Variants in WDPCP observed in about 807,000 individuals in gnomAD.
The protein encoded by WDPCP is WD repeat-containing and planar cell polarity effector protein fritz homolog.
In WDPCP, 71 loss-of-function variants were observed where a neutral mutation model predicts 93.1. The observed-to-expected ratio is 0.76, with a 90% CI of 0.63 to 0.93. WDPCP has a LOEUF of 0.93. WDPCP is among the 40% of genes least tolerant of loss of function. The pLI is 0.00. For synonymous variants in WDPCP, 315 were observed against 315.0 expected, an observed-to-expected ratio of 1.00 and a Z score of 0.00; for missense variants, 844 against 887.4, an observed-to-expected ratio of 0.95 and a Z score of 0.62.
chr2:63,521,026 C>A lies in WDPCP; in HGVS notation c.76-28086G>T, dbSNP rs557899044. 3.2e-3 allele frequency among the ~76,000 whole-genome samples: 492 copies of A among 152,106 alleles called. 2 individuals are homozygous for A. The highest frequency in any genetic ancestry group is 5.4e-3 in the Non-Finnish European group (370 of 68,002). ...TCTAAGGGAATTTGGAATTTTGTTA[C>A]CCCCAGACCTGCCTTACAAGAGGTC... On this transcript the variant is annotated intron_variant, in intron 1 of 17. Coordinates refer to ENST00000272321, the MANE Select transcript of WDPCP (RefSeq NM_015910.7).
intron 1 of WDPCP, among the ~76,000 whole-genome samples, chr2:63,552,466 T>C (rs1228266009): frequency 6.6e-6 from 1 of 152,196 alleles, no homozygotes; most frequent in African/African-American, 2.4e-5. Context: ...GTAATTCAAC[T>C]TAAAAAATAG....
chr2:63,209,794 T>G (rs1676625735), intron 14 of WDPCP, among the ~76,000 whole-genome samples: 1 of 152,200 alleles, frequency 6.6e-6, no homozygotes, highest in African/African-American at 2.4e-5. Flanking sequence ...TTGTAATATA[T>G]TCATACAATT....
At chr2:63,698,863 C>T (rs1575750495) in intron 2 of WDPCP, among the ~76,000 whole-genome samples, 1 of 152,070 alleles carries the variant, frequency 6.6e-6, no homozygotes, top group Admixed American at 6.6e-5. Flanking sequence ...GGACATGTAG[C>T]CATCTTTTCC....
intron 6 of WDPCP, among the ~76,000 whole-genome samples, chr2:63,455,608 G>A (rs999097001): frequency 6.6e-6 from 1 of 151,906 alleles, no homozygotes; most frequent in Non-Finnish European, 1.5e-5. Flanking sequence ...AATGATAAAG[G>A]GATCAATCGA....
At chr2:63,376,273 A>T (rs1164986145) in intron 12 of WDPCP, among the ~76,000 whole-genome samples, 3 of 151,980 alleles carry the variant, frequency 2.0e-5, no homozygotes, top group African/African-American at 7.2e-5. Context: ...AAACATGAAA[A>T]AGCTAGTATG....
chr2:63,674,591 A>G (rs1393801476), intron 2 of WDPCP, among the ~76,000 whole-genome samples: 1 of 152,156 alleles, frequency 6.6e-6, no homozygotes, highest in East Asian at 1.9e-4. Flanking sequence ...AGTTTCAGTT[A>G]TGCAGGATGA....
At position 63,404,255 on chromosome 2, in the gene WDPCP, G is replaced by C; in HGVS notation, c.1228C>G (p.Pro410Ala). The C allele has an allele frequency of 6.2e-7, 1 of 1,613,540 alleles. No individual in the cohort carries two copies. The highest frequency in any genetic ancestry group is 8.5e-7 in the Non-Finnish European group (1 of 1,179,618). Residue 410 changes from proline to alanine, a missense_variant, in exon 10 of 18, where the codon CCT (proline) becomes GCT (alanine). By Grantham distance (27) the Pro-to-Ala change is conservative. Coordinates refer to ENST00000272321, the MANE Select transcript of WDPCP (RefSeq NM_015910.7). ...TCAGCCAACAGTTGGATGTTAATAG[G>C]GGATAGAGCCATATCAAAAATTTGC... ...ELQIFDMALS[P>A]INIQLLAEDR...
At chr2:63,220,833 A>G (rs1204799413) in intron 14 of WDPCP, among the ~76,000 whole-genome samples, 12 of 152,184 alleles carry the variant, frequency 7.9e-5, no homozygotes, top group South Asian at 2.1e-4. Flanking sequence ...TGCATTAGCT[A>G]TATTTATCCT....
chr2:63,620,720 C>T (rs1423967847), intron 3 of WDPCP, among the ~76,000 whole-genome samples: 2 of 152,220 alleles, frequency 1.3e-5, no homozygotes, highest in African/African-American at 4.8e-5. Context: ...CCCCCTGCCT[C>T]CTGACTGGGA....
intron 2 of WDPCP, among the ~76,000 whole-genome samples, chr2:63,708,250 C>T (rs1447787071): frequency 6.6e-6 from 1 of 152,200 alleles, no homozygotes; most frequent in Non-Finnish European, 1.5e-5. Context: ...GCAGGCAGGC[C>T]TCCTTGAGTT....
chr2:63,418,885 C>T (rs1172366878), intron 9 of WDPCP, among the ~76,000 whole-genome samples: 2 of 152,182 alleles, frequency 1.3e-5, no homozygotes, highest in Non-Finnish European at 2.9e-5. Context: ...GTTAGCTAAA[C>T]CACAGGCTAC....
At chr2:63,651,363 G>A (rs1166077168) in intron 2 of WDPCP, among the ~76,000 whole-genome samples, 1 of 152,046 alleles carries the variant, frequency 6.6e-6, no homozygotes, top group African/African-American at 2.4e-5. Flanking sequence ...TCAGAGGAAG[G>A]GGAAGTCACT....
intron 2 of WDPCP, among the ~76,000 whole-genome samples, chr2:63,786,755 T>C (rs1020138782): frequency 1.5e-4 from 23 of 152,154 alleles, no homozygotes; most frequent in Admixed American, 1.0e-3. Flanking sequence ...ATTGCATGCA[T>C]TGATGTAACA....
intron 3 of WDPCP, among the ~76,000 whole-genome samples, chr2:63,614,110 G>T (rs976775238): frequency 1.3e-5 from 2 of 152,122 alleles, no homozygotes; most frequent in Non-Finnish European, 2.9e-5. Context: ...ATGAAGTTTT[G>T]TTCCAGAACA....
intron 2 of WDPCP, among the ~76,000 whole-genome samples, chr2:63,674,011 T>C (rs1278095032): frequency 6.6e-6 from 1 of 152,208 alleles, no homozygotes; most frequent in Non-Finnish European, 1.5e-5. Flanking sequence ...CCCAGAATAC[T>C]GTCATTGCTT....
chr2:63,575,465 A>AG (rs751954591), intron 1 of WDPCP, among the ~76,000 whole-genome samples: 1 of 13,206 alleles, frequency 7.6e-5, no homozygotes, highest in African/African-American at 2.9e-4. Flanking sequence ...TACAGTATAT[A>AG]TGCAGTATAT....
chr2:63,446,190 G>A (rs1697850389), intron 6 of WDPCP, among the ~76,000 whole-genome samples: 1 of 152,146 alleles, frequency 6.6e-6, no homozygotes, highest in African/African-American at 2.4e-5. Flanking sequence ...CAATGCCCAA[G>A]CCACTAACCA....
At chr2:63,331,062 C>T (rs1302194991) in intron 12 of WDPCP, among the ~76,000 whole-genome samples, 2 of 152,072 alleles carry the variant, frequency 1.3e-5, no homozygotes, top group Non-Finnish European at 2.9e-5. Flanking sequence ...CAGGGTTTTG[C>T]TCTGTTGTCC....
At chr2:63,528,810 G>A (rs1250117018) in intron 1 of WDPCP, among the ~76,000 whole-genome samples, 2 of 152,126 alleles carry the variant, frequency 1.3e-5, no homozygotes, top group Non-Finnish European at 2.9e-5. Flanking sequence ...TGGGCAGTAT[G>A]GCCATCTTCA....
Sources: allele counts gnomAD v4.1 joint callset (sites outside exome capture counted in the v4.1 genomes callset), GRCh38; gene constraint gnomAD v4.1.1; transcripts MANE v1.5; gene names NCBI Gene and HGNC (gene_info 2026-07-23, HGNC 2026-07-21).